The following RAB38 variants were observed in gnomAD, a reference collection of about 807,000 sequenced individuals.
The protein encoded by RAB38 is ras-related protein Rab-38.
RAB38 carries 15 observed loss-of-function variants against 18.4 expected under a neutral mutation model. That is an observed-to-expected ratio of 0.82 (90% CI 0.55 to 1.26). The LOEUF (loss-of-function observed/expected upper bound fraction) is 1.26. RAB38 is among the 50% of genes most tolerant of loss of function. The pLI, the probability that RAB38 is intolerant of heterozygous loss-of-function variation, is 0.00. For missense variants in RAB38, 294 were observed against 267.4 expected, an observed-to-expected ratio of 1.10 and a Z score of -0.69; for synonymous variants, 101 against 104.4, an observed-to-expected ratio of 0.97 and a Z score of 0.20.
intron 1 of RAB38, among the ~76,000 whole-genome samples, chr11:88,168,230 G>T (rs1943267596): frequency 6.6e-6 from 1 of 152,094 alleles, no homozygotes; most frequent in South Asian, 2.1e-4. Flanking sequence ...TATTTAAATT[G>T]CAAATATTGC....
the RAB38 span, among the ~76,000 whole-genome samples, chr11:87,842,164 G>A: frequency 2.0e-5 from 3 of 152,060 alleles, no homozygotes; most frequent in South Asian, 6.2e-4. Flanking sequence ...CTTAGAAAAA[G>A]AAAAGGAAAT....
At chr11:88,127,575 T>C (rs1033888718) in intron 2 of RAB38, among the ~76,000 whole-genome samples, 2 of 152,232 alleles carry the variant, frequency 1.3e-5, no homozygotes, top group Non-Finnish European at 2.9e-5. Flanking sequence ...TGTGTGTTTT[T>C]TATACCCTCA....
At chr11:88,025,184 T>C in the RAB38 span, among the ~76,000 whole-genome samples, 1 of 150,884 alleles carries the variant, frequency 6.6e-6, no homozygotes, top group African/African-American at 2.4e-5. Context: ...ATATGTGATA[T>C]ACATATGAGA....
chr11:87,926,644 G>C, the RAB38 span, among the ~76,000 whole-genome samples: 1 of 152,142 alleles, frequency 6.6e-6, no homozygotes, highest in South Asian at 2.1e-4. Flanking sequence ...AAATGAAGAG[G>C]AAGAGAGGCA....
the RAB38 span, among the ~76,000 whole-genome samples, chr11:87,884,538 A>T: frequency 6.6e-6 from 1 of 151,948 alleles, no homozygotes; most frequent in Admixed American, 6.6e-5. Flanking sequence ...ATGGGATGGG[A>T]CTGGTACATT....
the RAB38 span, among the ~76,000 whole-genome samples, chr11:87,823,697 G>A: frequency 9.6e-4 from 146 of 152,116 alleles, no homozygotes; most frequent in East Asian, 0.025. Flanking sequence ...GCAAATGGTC[G>A]TAGCAATTTT....
At chr11:88,163,429 C>T (rs1943210474) in intron 1 of RAB38, among the ~76,000 whole-genome samples, 2 of 152,036 alleles carry the variant, frequency 1.3e-5, no homozygotes, top group Admixed American at 1.3e-4. Context: ...TTTTAAGATC[C>T]CATCTGAAAA....
rs143056969 is a variant in RAB38 at position 88,140,777 on chromosome 11, T to C, written c.483+8898A>G. ...TGGAGAAGCAGAAAAAAAATCTCAC[T>C]ATTGGAGTCTTCTATGCTCAAGAAT... is the stretch of plus-strand genomic sequence containing the variant. On this transcript the variant is annotated intron_variant, in intron 2 of 2. Coordinates refer to ENST00000243662, the MANE Select transcript of RAB38 (RefSeq NM_022337.3). Among the ~76,000 whole-genome samples, 502 of 152,286 alleles carry C rather than the reference T, an allele frequency of 3.3e-3. 1 individual carries two copies. Among genetic ancestry groups the C allele is most frequent in the Middle Eastern group, 0.01 (3 of 294 alleles).
At chr11:87,941,212 GAGATATATATATATATAT>G in the RAB38 span, among the ~76,000 whole-genome samples, 45 of 37,800 alleles carry the variant, frequency 1.2e-3, 2 homozygotes, top group Middle Eastern at 0.013. Flanking sequence ...ATAAATATAT[GAGATATATATATATATAT>G]ATATATATAT....
chr11:87,888,843 G>A, the RAB38 span, among the ~76,000 whole-genome samples: 1 of 151,918 alleles, frequency 6.6e-6, no homozygotes, highest in Non-Finnish European at 1.5e-5. Context: ...GTGAAATGAA[G>A]TACTGCACTG....
the RAB38 span, among the ~76,000 whole-genome samples, chr11:87,921,395 A>G: frequency 6.1e-3 from 926 of 151,890 alleles, 3 homozygotes; most frequent in Non-Finnish European, 0.011. Context: ...ATTTCGCCCA[A>G]CCGTAGGCTT....
the RAB38 span, among the ~76,000 whole-genome samples, chr11:87,949,497 G>C: frequency 2.6e-5 from 4 of 152,110 alleles, no homozygotes; most frequent in African/African-American, 9.7e-5. Flanking sequence ...GTCAATTTTA[G>C]ATCTTTCCTG....
chr11:87,835,622 T>A, the RAB38 span, among the ~76,000 whole-genome samples: 1 of 152,038 alleles, frequency 6.6e-6, no homozygotes, highest in Non-Finnish European at 1.5e-5. Context: ...GCTACCCTTA[T>A]AAGAAATAAA....
chr11:87,823,434 A>T, the RAB38 span, among the ~76,000 whole-genome samples: 1 of 152,216 alleles, frequency 6.6e-6, no homozygotes, highest in South Asian at 2.1e-4. Flanking sequence ...TATATATGAA[A>T]ATTCAATGGA....
chr11:87,928,798 C>G, the RAB38 span, among the ~76,000 whole-genome samples: 1 of 151,942 alleles, frequency 6.6e-6, no homozygotes, highest in South Asian at 2.1e-4. Context: ...TCACTCATTA[C>G]TCTACTATTT....
At chr11:87,964,404 G>A in the RAB38 span, among the ~76,000 whole-genome samples, 1 of 152,086 alleles carries the variant, frequency 6.6e-6, no homozygotes, top group African/African-American at 2.4e-5. Flanking sequence ...ATGGAATTGT[G>A]GAAGGTCTCT....
the RAB38 span, among the ~76,000 whole-genome samples, chr11:88,068,898 C>A: frequency 1.3e-5 from 2 of 152,204 alleles, no homozygotes; most frequent in African/African-American, 4.8e-5. Flanking sequence ...AACATGCTGG[C>A]GGCCCTTGCT....
the RAB38 span, among the ~76,000 whole-genome samples, chr11:88,050,502 C>G: frequency 6.6e-6 from 1 of 152,312 alleles, no homozygotes; most frequent in Non-Finnish European, 1.5e-5. Context: ...CCTACGTACA[C>G]ATGCACTTTC....
chr11:88,120,145 C>A (rs1194295430), intron 2 of RAB38, among the ~76,000 whole-genome samples: 6 of 152,158 alleles, frequency 3.9e-5, no homozygotes, highest in Admixed American at 3.3e-4. Context: ...CTAAACTGAC[C>A]TTATGTTTCA....
Sources: allele counts gnomAD v4.1 joint callset (sites outside exome capture counted in the v4.1 genomes callset), GRCh38; gene constraint gnomAD v4.1.1; transcripts MANE v1.5; gene names NCBI Gene and HGNC (gene_info 2026-07-23, HGNC 2026-07-21).